The following EFCAB12 variants were observed in gnomAD, a reference collection of about 807,000 sequenced individuals.
EFCAB12 encodes the protein EF-hand calcium-binding domain-containing protein 12.
A neutral mutation model predicts 53.6 loss-of-function variants in EFCAB12; 43 were observed. That is an observed-to-expected ratio of 0.80 (90% CI 0.63 to 1.03). The LOEUF is 1.03. EFCAB12 is among the 50% of genes least tolerant of loss of function. EFCAB12 has a pLI of 0.00. For missense variants in EFCAB12, 646 were observed against 730.6 expected, an observed-to-expected ratio of 0.88 and a Z score of 1.34; for synonymous variants, 269 against 289.2, an observed-to-expected ratio of 0.93 and a Z score of 0.71.
At chr3:129,415,213 G>A (rs568605535) in intron 4 of EFCAB12, 32 bp downstream of exon 4, 29 of 1,556,816 alleles carry the variant, frequency 1.9e-5, no homozygotes, top group Non-Finnish European at 2.3e-5. Context: ...AGGACGGGGA[G>A]GTGGAGGCAC....
At position 129,408,693 on chromosome 3, in the gene EFCAB12, G is replaced by C; in HGVS notation, c.1201C>G (p.Leu401Val). Residue 401 changes from leucine to valine, a missense_variant, in exon 6 of 9, where the codon CTC becomes GTC. Leu to Val is a conservative substitution (Grantham distance 32). Transcript: ENST00000505956. ...AGCGGGAGGCCATAGGACTTACAGA[G>C]CTTCCAGCATTGCAGGTAGACCAGA... ...NFLVYLQCWK[L>V]CKSYGLPLTE... 6.3e-7 allele frequency: 1 copy of C among 1,589,012 alleles called. No individual in the cohort carries two copies. The highest frequency in any genetic ancestry group is 8.6e-7 in the Non-Finnish European group (1 of 1,166,626).
intron 3 of EFCAB12, 88 bp downstream of exon 3, chr3:129,418,166 T>C (rs1009379793): frequency 7.8e-7 from 1 of 1,277,686 alleles, no homozygotes; most frequent in Admixed American, 2.6e-5. Flanking sequence ...GAACCCAGCA[T>C]GGCGGGGGAG....
rs1425771319 is a variant in EFCAB12, at chr3:129,411,148, G to A, written c.1035+10C>T. ...CCAAGCCGCATGCTCTCCTTGGGCTGGCGAGGTACCTTGTGCTGTCGCTGC... is the reference window on the plus strand; with the variant it reads ...CCAAGCCGCATGCTCTCCTTGGGCTAGCGAGGTACCTTGTGCTGTCGCTGC... On this transcript the variant is annotated intron_variant, in intron 5 of 8. Coordinates refer to ENST00000505956, the MANE Select transcript of EFCAB12 (RefSeq NM_207307.3). The A allele has an allele frequency of 6.4e-7, 1 of 1,559,372 alleles. No individual in the cohort carries two copies. Among genetic ancestry groups the A allele is most frequent in the Non-Finnish European group, 8.7e-7 (1 of 1,153,048 alleles).
chr3:129,404,860 C>T (rs1447824383), intron 6 of EFCAB12, among the ~76,000 whole-genome samples: 5 of 152,196 alleles, frequency 3.3e-5, no homozygotes, highest in African/African-American at 1.2e-4. Flanking sequence ...CACACTGTCG[C>T]CCAGGCTAAA....
intron 7 of EFCAB12, 164 bp from the exon 8 acceptor site, chr3:129,402,743 T>A (rs2071890187): frequency 3.1e-6 from 2 of 648,232 alleles, no homozygotes; most frequent in Admixed American, 6.0e-5. Flanking sequence ...ACTCTGTGCC[T>A]CCATGCTCCA....
intron 5 of EFCAB12, 107 bp from the exon 6 acceptor site, chr3:129,408,965 C>G (rs916039892): frequency 1.5e-6 from 2 of 1,296,898 alleles, no homozygotes; most frequent in Non-Finnish European, 2.1e-6. Flanking sequence ...TGCGAGGTCC[C>G]CATGAGGGGT....
intron 7 of EFCAB12, 67 bp downstream of exon 7, chr3:129,404,183 C>A: frequency 6.4e-7 from 1 of 1,552,678 alleles, no homozygotes; most frequent in Non-Finnish European, 8.7e-7. Flanking sequence ...GCCTCCAGCC[C>A]CCACACTGAA....
chr3:129,415,581 C>T (rs571761647), intron 3 of EFCAB12, among the ~76,000 whole-genome samples, 180 bp from the exon 4 acceptor site: 1 of 152,344 alleles, frequency 6.6e-6, no homozygotes, highest in African/African-American at 2.4e-5. Flanking sequence ...CTTGAATGAA[C>T]TCTGCACTTT....
intron 6 of EFCAB12, among the ~76,000 whole-genome samples, chr3:129,404,960 G>A (rs9883715): frequency 0.039 from 5,949 of 152,248 alleles, 160 homozygotes; most frequent in Non-Finnish European, 0.058. Flanking sequence ...CCACAGGCAT[G>A]CACCACCATG....
At position 129,415,237 on chromosome 3, in the gene EFCAB12, G is replaced by A. The variant is rs758048627; in HGVS notation, c.838+8C>T. On this transcript the variant is annotated splice_region_variant and intron_variant, in intron 4 of 8. Transcript: ENST00000505956. Reference sequence around the variant, plus strand: ...AGGTGGAGGCACAGGATGGGGAGGGGTACGCACGCTCCCTTGCAGTGGCCA... The same window carrying A: ...AGGTGGAGGCACAGGATGGGGAGGGATACGCACGCTCCCTTGCAGTGGCCA... 5 of 1,598,220 alleles carry A rather than the reference G, an allele frequency of 3.1e-6. No homozygotes were observed. The South Asian group carries it at 3.4e-5, about 11-fold the overall frequency.
chr3:129,409,311 C>T (rs996560790), intron 5 of EFCAB12, among the ~76,000 whole-genome samples: 3 of 152,074 alleles, frequency 2.0e-5, no homozygotes, highest in East Asian at 1.9e-4. Context: ...GGCATGGTGG[C>T]GCGCGCCTGT....
chr3:129,418,497 G>A (rs2107740825), intron 2 of EFCAB12, 49 bp from the exon 3 acceptor site: 2 of 1,509,068 alleles, frequency 1.3e-6, no homozygotes, highest in East Asian at 2.4e-5. Context: ...AAAGGAGACA[G>A]GCCAGGCGGA....
intron 3 of EFCAB12, among the ~76,000 whole-genome samples, chr3:129,416,445 AC>A (rs58015515): frequency 2.6e-5 from 4 of 151,876 alleles, no homozygotes; most frequent in African/African-American, 9.7e-5. Flanking sequence ...AAACAAACAA[AC>A]AAAAAAATGA....
rs1437422599 is a variant in EFCAB12 at position 129,421,499 on chromosome 3, G to A, written c.354C>T (p.Ser118=). The A allele has an allele frequency of 6.2e-7, 1 of 1,614,028 alleles. No homozygotes were observed. Among genetic ancestry groups the A allele is most frequent in the Non-Finnish European group, 8.5e-7 (1 of 1,179,904 alleles). ...CCAGCCACCTCTTTACATCACCAAAGGACTCTAGCTCCTGCCGCAGCTTCG... is the reference window on the plus strand; with the variant it reads ...CCAGCCACCTCTTTACATCACCAAAAGACTCTAGCTCCTGCCGCAGCTTCG... ...QRSKLRQELE[S]FGDVKRWLEN... Residue 118 remains serine (S), a synonymous_variant, in exon 2 of 9, where the codon TCC becomes TCT. Coordinates refer to ENST00000505956, the MANE Select transcript of EFCAB12 (RefSeq NM_207307.3).
At chr3:129,424,920 G>T (rs1040958469) in intron 1 of EFCAB12, among the ~76,000 whole-genome samples, 4 of 152,184 alleles carry the variant, frequency 2.6e-5, no homozygotes, top group African/African-American at 7.2e-5. Context: ...GTGGGACCTG[G>T]GAGGGCATCA....
Position 129,415,374 on chromosome 3 carries a change from C to T in EFCAB12, c.709G>A (p.Val237Met), listed in dbSNP as rs573053139. 1.0e-4 allele frequency: 165 copies of T among 1,613,802 alleles called. 3 individuals carry two copies. The South Asian group carries it at 1.8e-3, about 17-fold the overall frequency. Residue 237 changes from valine (V) to methionine (M), a missense_variant, in exon 4 of 9, where the codon GTG (valine) becomes ATG (methionine). Coordinates refer to ENST00000505956, the MANE Select transcript of EFCAB12 (RefSeq NM_207307.3). Reference protein sequence around the residue: ...AVGVPLKNQEVEDIVIYLSSL... With the variant: ...AVGVPLKNQEMEDIVIYLSSL... The stretch of plus-strand genomic sequence containing the variant: ...CTGAGGTAGATCACTATATCCTCCA[C>T]CTCTTGGTTCTTCAGAGGGACTCCG...
intron 3 of EFCAB12, among the ~76,000 whole-genome samples, chr3:129,417,344 A>AAC (rs1559789793): frequency 8.3e-5 from 12 of 144,758 alleles, no homozygotes; most frequent in African/African-American, 3.2e-4. Context: ...AAAAAACCAA[A>AAC]AAAAAAAAAC....
intron 6 of EFCAB12, 108 bp downstream of exon 6, chr3:129,408,537 G>A: frequency 8.3e-7 from 1 of 1,208,644 alleles, no homozygotes; most frequent in Non-Finnish European, 1.2e-6. Flanking sequence ...CCCCACCAGA[G>A]ATTACAGTGG....
At chr3:129,409,609 A>C (rs1036867905) in intron 5 of EFCAB12, among the ~76,000 whole-genome samples, 29 of 152,216 alleles carry the variant, frequency 1.9e-4, no homozygotes, top group African/African-American at 4.6e-4. Flanking sequence ...GGAAAAAAAA[A>C]CCCTAACTTT....
Sources: allele counts gnomAD v4.1 joint callset (sites outside exome capture counted in the v4.1 genomes callset), GRCh38; gene constraint gnomAD v4.1.1; transcripts MANE v1.5; gene names NCBI Gene and HGNC (gene_info 2026-07-23, HGNC 2026-07-21).